The following CSNK1E variants were observed in gnomAD, a reference collection of about 807,000 sequenced individuals.
CSNK1E encodes casein kinase I isoform epsilon.
CSNK1E carries 17 observed loss-of-function variants against 46.1 expected under a neutral mutation model. The observed-to-expected ratio is 0.37, with a 90% confidence interval of 0.25 to 0.55. CSNK1E has a LOEUF of 0.55. Ranked by LOEUF, CSNK1E falls within the 20% of genes least tolerant of loss-of-function variation. CSNK1E has a pLI of 0.82. For missense variants in CSNK1E, 386 were observed against 595.4 expected (o/e 0.65, Z 3.66); for synonymous variants, 241 against 242.6 (o/e 0.99, Z 0.06).
At position 38,314,119 on chromosome 22, in the gene CSNK1E, C is replaced by G. The variant is rs921624032; in HGVS notation, c.39G>C (p.Arg13=). Reference sequence around the variant, plus strand: ...CTCCGAAGGACCCGCTCCCGATCTTCCGTCCCAGGCGGTACTTGTTCCCCA... The same window carrying G: ...CTCCGAAGGACCCGCTCCCGATCTTGCGTCCCAGGCGGTACTTGTTCCCCA... ...LRVGNKYRLG[R]KIGSGSFGDI... Residue 13 remains arginine (R), a synonymous_variant, in exon 2 of 11, where the codon CGG becomes CGC. Transcript: ENST00000396832. 44 of 1,614,004 alleles carry G rather than the reference C, an allele frequency of 2.7e-5. No individual in the cohort carries two copies. The highest frequency in any genetic ancestry group is 3.6e-5 in the Non-Finnish European group (43 of 1,179,992).
chr22:38,307,330 C>A (rs992472752), intron 2 of CSNK1E, among the ~76,000 whole-genome samples: 2 of 152,144 alleles, frequency 1.3e-5, no homozygotes, highest in Non-Finnish European at 2.9e-5. Context: ...GCAGGCGGAT[C>A]ACCAGGCAAG....
Position 38,290,796 on chromosome 22 carries a change from CTTCAGTTTTTTTTTT to C in CSNK1E, c.*1160_*1174del, listed in dbSNP as rs1569072351. 6.8e-6 allele frequency: 1 copy of C among 147,016 alleles called. No individual in the cohort carries two copies. Among genetic ancestry groups the C allele is most frequent in the Non-Finnish European group, 1.5e-5 (1 of 67,128 alleles). The allele number at this position is 147,016 out of a possible 1,614,324, so 9.1% of individuals were successfully genotyped here. On this transcript the variant is annotated 3_prime_UTR_variant, in exon 11 of 11. Coordinates refer to ENST00000396832, the MANE Select transcript of CSNK1E (RefSeq NM_152221.3). ...AAAGTACAAAATTCCCCCCAAAGTT[CTTCAGTTTTTTTTTT>C]TTCAGTTTTTTAAATTACAAAGTAA...
At chr22:38,297,729 T>A (rs2092648469) in intron 7 of CSNK1E, 13 of 995,938 alleles carry the variant, frequency 1.3e-5, no homozygotes, top group South Asian at 4.4e-5. Context: ...CATCCCTCCC[T>A]CAGGCTGTCC....
intron 4 of CSNK1E, among the ~76,000 whole-genome samples, chr22:38,301,279 A>G (rs1237878653): frequency 2.0e-5 from 3 of 152,170 alleles, no homozygotes; most frequent in East Asian, 3.9e-4. Context: ...CCACACTCAC[A>G]GGACTTAGGG....
chr22:38,317,718 T>G (rs1343122373), upstream of CSNK1E, among the ~76,000 whole-genome samples: 2 of 149,282 alleles, frequency 1.3e-5, no homozygotes, highest in African/African-American at 5.0e-5. Flanking sequence ...AAAGCGGAGG[T>G]GAGGGGATGG....
Position 38,309,734 on chromosome 22 carries a change from G to A in CSNK1E, c.76+4348C>T, listed in dbSNP as rs903326008. Among the ~76,000 whole-genome samples the A allele has an allele frequency of 2.0e-5, 3 of 152,202 alleles. No homozygotes were observed. The highest frequency in any genetic ancestry group is 3.2e-3 in the Middle Eastern group (1 of 316). On this transcript the variant is annotated intron_variant, in intron 2 of 10. Coordinates refer to ENST00000396832, the MANE Select transcript of CSNK1E (RefSeq NM_152221.3). This position sits in a 1 kb window ranked among gnomAD's most constrained non-coding sequence, Gnocchi z 4.8. ...TCTCCCAAGTGCTGGGATTACAGGC[G>A]TGAGCCACTGTGCCTGGCCTACTGT... is the stretch of plus-strand genomic sequence containing the variant.
intron 7 of CSNK1E, chr22:38,296,599 C>T: frequency 6.2e-7 from 1 of 1,612,804 alleles, no homozygotes; most frequent in South Asian, 1.1e-5. Flanking sequence ...GGTGCCTCTG[C>T]CCAGCTTCTA....
At chr22:38,311,428 C>T (rs1160767138) in intron 2 of CSNK1E, among the ~76,000 whole-genome samples, 3 of 152,212 alleles carry the variant, frequency 2.0e-5, no homozygotes, top group Non-Finnish European at 2.9e-5. Flanking sequence ...TCCCACCACA[C>T]AAGATTCTGG....
Position 38,300,145 on chromosome 22 carries a change from C to A in CSNK1E, c.566-80G>T. On this transcript the variant is annotated intron_variant, in intron 5 of 10. Transcript: ENST00000396832. The surrounding 1 kb of genome is among the most constrained non-coding windows in gnomAD (Gnocchi z 4.4). Reference sequence around the variant, plus strand: ...CTCATCCTCTGGGTCATGCTCCTCACAATGCACCAGGACCCTCCTGCCCCC... The same window carrying A: ...CTCATCCTCTGGGTCATGCTCCTCAAAATGCACCAGGACCCTCCTGCCCCC... 7.1e-7 allele frequency: 1 copy of A among 1,403,250 alleles called. No individual in the cohort carries two copies. The highest frequency in any genetic ancestry group is 1.3e-5 in the South Asian group (1 of 79,748). 86.9% of individuals were successfully genotyped at this position (1,403,250 alleles called of 1,614,324 possible).
At chr22:38,293,184 G>T (rs2145825068) in intron 10 of CSNK1E, 71 bp downstream of exon 10, 2 of 1,238,396 alleles carry the variant, frequency 1.6e-6, no homozygotes, top group East Asian at 4.6e-5. Context: ...CAACACATTG[G>T]TCTCTTTCTG....
In CSNK1E at chr22:38,298,628, C is replaced by G; in HGVS notation, c.885+158G>C. On this transcript the variant is annotated intron_variant, in intron 7 of 10. Transcript: ENST00000396832. This position sits in a 1 kb window ranked among gnomAD's most constrained non-coding sequence, Gnocchi z 4.2. ...GCACAAGCTGTCAGCACGGATGAGG[C>G]TGGAGGGCTCTGGGACCCCAGTGAG... The G allele has an allele frequency of 1.2e-6, 1 of 806,650 alleles. No homozygotes were observed. The highest frequency in any genetic ancestry group is 2.2e-5 in the Admixed American group (1 of 45,098). 50.0% of individuals were successfully genotyped at this position (806,650 alleles called of 1,614,324 possible). A position where few individuals can be genotyped will look rare whatever the true frequency, so the allele number is the denominator to read the frequency against.
chr22:38,295,793 C>G (rs1451374474), intron 7 of CSNK1E, among the ~76,000 whole-genome samples: 1 of 152,230 alleles, frequency 6.6e-6, no homozygotes, highest in Non-Finnish European at 1.5e-5. Context: ...TCTTCCCATC[C>G]TCCCACCCAG....
At chr22:38,315,735 G>C (rs1602566890) in intron 1 of CSNK1E, among the ~76,000 whole-genome samples, 1 of 151,356 alleles carries the variant, frequency 6.6e-6, no homozygotes, top group South Asian at 2.1e-4. Flanking sequence ...CCGCAGGTTA[G>C]GAAAGGAACA....
At position 38,294,634 on chromosome 22, in the gene CSNK1E, A is replaced by T; in HGVS notation, c.886-100T>A. On this transcript the variant is annotated intron_variant, in intron 7 of 10. Coordinates refer to ENST00000396832, the MANE Select transcript of CSNK1E (RefSeq NM_152221.3). The surrounding 1 kb of genome is among the most constrained non-coding windows in gnomAD (Gnocchi z 5.5). ...ACAGAAGGGGAGGGAGGCCAGGTGG[A>T]TATCTCAGAAACCTTCTGCTCCAGC... The T allele has an allele frequency of 8.6e-7, 1 of 1,163,678 alleles. No individual in the cohort carries two copies. Among genetic ancestry groups the T allele is most frequent in the African/African-American group, 1.6e-5 (1 of 63,450 alleles). The allele number at this position is 1,163,678 out of a possible 1,614,324, so 72.1% of individuals were successfully genotyped here. A position where few individuals can be genotyped will look rare whatever the true frequency, so the allele number is the denominator to read the frequency against.
chr22:38,292,915 A>T (rs1247147774), intron 10 of CSNK1E: 5 of 326,722 alleles, frequency 1.5e-5, no homozygotes, highest in Non-Finnish European at 2.9e-5. Context: ...GCCGTGGGAG[A>T]GGTCAGAGTG....
At chr22:38,311,193 A>G (rs2092719415) in intron 2 of CSNK1E, among the ~76,000 whole-genome samples, 1 of 152,192 alleles carries the variant, frequency 6.6e-6, no homozygotes, top group Non-Finnish European at 1.5e-5. Flanking sequence ...TTTACACGCC[A>G]CGACCTCATT....
chr22:38,310,678 G>A (rs1037309405), intron 2 of CSNK1E, among the ~76,000 whole-genome samples: 1 of 152,220 alleles, frequency 6.6e-6, no homozygotes. Flanking sequence ...TCTGGACCCT[G>A]CATGGGCAAC....
At position 38,294,247 on chromosome 22, in the gene CSNK1E, G is replaced by C. The variant is rs746570989; in HGVS notation, c.1080C>G (p.Gly360=). The change falls in exon 9 of 11, where the codon GGC becomes GGG. Residue 360 remains glycine (G), a splice_region_variant and synonymous_variant. Coordinates refer to ENST00000396832, the MANE Select transcript of CSNK1E (RefSeq NM_152221.3). This position sits in a 1 kb window ranked among gnomAD's most constrained non-coding sequence, Gnocchi z 5.5. ...GCGAGATCGCTCTGGGAGAAGTATT[G>C]CCTGGAGGGAGAGTGGGAAGCCACC... ...STPASRIQPA[G]NTSPRAISRV... 6.2e-7 allele frequency: 1 copy of C among 1,611,470 alleles called. No homozygotes were observed. Among genetic ancestry groups the C allele is most frequent in the Non-Finnish European group, 8.5e-7 (1 of 1,179,588 alleles).
At chr22:38,304,343 T>C (rs2092688651) in intron 2 of CSNK1E, among the ~76,000 whole-genome samples, 2 of 151,930 alleles carry the variant, frequency 1.3e-5, no homozygotes, top group Non-Finnish European at 2.9e-5. Context: ...AAAGACACCA[T>C]GGCTCACACC....
Sources: gnomAD v4.1 joint callset for allele counts (sites outside exome capture counted in the v4.1 genomes callset) on GRCh38, gnomAD v4.1.1 for gene constraint, Gnocchi (gnomAD v3.1) non-coding constraint, MANE v1.5 for transcripts, NCBI Gene and HGNC (gene_info 2026-07-23, HGNC 2026-07-21) for gene names.